YAF2: variants seen among roughly 807,000 people sequenced by gnomAD.
YAF2 encodes the protein YY1 associated factor 2.
A neutral mutation model predicts 20.1 loss-of-function variants in YAF2; 7 were observed. That is an observed-to-expected ratio of 0.35 (90% CI 0.20 to 0.65). The LOEUF (loss-of-function observed/expected upper bound fraction) is 0.65, where lower values mean the gene tolerates loss of function less well. Ranked by LOEUF, YAF2 falls within the 30% of genes least tolerant of loss-of-function variation. The pLI, the probability that YAF2 is intolerant of heterozygous loss-of-function variation, is 0.69. For missense variants in YAF2, 151 were observed against 219.2 expected (o/e 0.69, Z 1.96); for synonymous variants, 74 against 76.0 (o/e 0.97, Z 0.14).
intron 2 of YAF2, among the ~76,000 whole-genome samples, chr12:42,168,242 A>G (rs712112): frequency 0.7 from 104,178 of 148,548 alleles, 37,393 homozygotes; most frequent in African/African-American, 0.87. Flanking sequence ...GCAATGGCGC[A>G]CTCTCAGCTC....
chr12:42,160,960 CA>C, intron 3 of YAF2, 134 bp from the exon 4 acceptor site: 1 of 651,610 alleles, frequency 1.5e-6, no homozygotes, highest in Non-Finnish European at 2.6e-6. Context: ...TAACTAGCCA[CA>C]AAAACATCAT....
chr12:42,205,312 G>A (rs575174093), intron 2 of YAF2, among the ~76,000 whole-genome samples: 3 of 151,346 alleles, frequency 2.0e-5, no homozygotes, highest in South Asian at 2.1e-4. Flanking sequence ...GGGTATTTCC[G>A]GAATCAACTG....
intron 2 of YAF2, among the ~76,000 whole-genome samples, chr12:42,170,636 CCT>C (rs760099074): frequency 2.4e-4 from 36 of 152,090 alleles, no homozygotes; most frequent in Non-Finnish European, 4.1e-4. Context: ...ATGGTGAAAC[CCT>C]GTCTCTACTA....
intron 2 of YAF2, chr12:42,199,317 CATA>C: frequency 1.4e-6 from 1 of 713,316 alleles, no homozygotes; most frequent in Non-Finnish European, 2.0e-6. Context: ...ATCCATCAAA[CATA>C]ATAATATACT....
At chr12:42,213,807 T>C (rs1241035853) in intron 2 of YAF2, among the ~76,000 whole-genome samples, 2 of 152,158 alleles carry the variant, frequency 1.3e-5, no homozygotes, top group Non-Finnish European at 2.9e-5. Context: ...GAAACATACA[T>C]CAAGGTATTA....
intron 2 of YAF2, chr12:42,233,715 G>A: frequency 2.2e-6 from 2 of 895,912 alleles, no homozygotes; most frequent in Non-Finnish European, 2.7e-6. Flanking sequence ...ATCTCACTGT[G>A]TTGCCCAGGT....
intron 2 of YAF2, among the ~76,000 whole-genome samples, chr12:42,203,902 A>C (rs938546176): frequency 2.0e-5 from 3 of 152,178 alleles, no homozygotes; most frequent in African/African-American, 7.2e-5. Context: ...AGCATATCTA[A>C]AATTATAATT....
chr12:42,235,573 G>C, intron 2 of YAF2: 2 of 1,407,048 alleles, frequency 1.4e-6, no homozygotes, highest in Non-Finnish European at 1.8e-6. Flanking sequence ...TTCAGAGAGA[G>C]GAAGGAAGAA....
chr12:42,210,068 G>A (rs2067162819), intron 2 of YAF2, among the ~76,000 whole-genome samples: 1 of 152,164 alleles, frequency 6.6e-6, no homozygotes, highest in South Asian at 2.1e-4. Flanking sequence ...AAAGTACTGG[G>A]ATTACAAGTG....
Position 42,161,615 on chromosome 12 carries a change from G to A in YAF2, c.303C>T (p.Thr101=). Residue 101 remains threonine (T), a splice_region_variant and synonymous_variant, in exon 3 of 4, where the codon ACC becomes ACT. Transcript: ENST00000534854. The stretch of plus-strand genomic sequence containing the variant: ...CATAAAACACTCTTCACATTTACCT[G>A]GTTTTCTTATGGCTATTCTTTTTGC... ...TTSKKNSHKK[T]RPRLKNVDRS... 6.3e-7 allele frequency: 1 copy of A among 1,575,592 alleles called. No homozygotes were observed. The highest frequency in any genetic ancestry group is 2.3e-5 in the East Asian group (1 of 44,332).
At chr12:42,236,786 T>C (rs1416834998) in intron 2 of YAF2, among the ~76,000 whole-genome samples, 2 of 152,186 alleles carry the variant, frequency 1.3e-5, no homozygotes, top group Admixed American at 6.5e-5. Flanking sequence ...ATTCAAAGGG[T>C]ACCTTCGTAT....
intron 2 of YAF2, among the ~76,000 whole-genome samples, chr12:42,194,481 T>TA (rs1355713388): frequency 6.6e-6 from 1 of 152,000 alleles, no homozygotes; most frequent in Non-Finnish European, 1.5e-5. Context: ...CCGTCTCTAC[T>TA]AAAAAAACAA....
At position 42,202,496 on chromosome 12, in the gene YAF2, C is replaced by T. The variant is rs114001766; in HGVS notation, c.152+35103G>A. The stretch of plus-strand genomic sequence containing the variant: ...TTATTTCTACTTGTTTTTGAGCTTG[C>T]TATAAATGAAATCATACAATACGTA... On this transcript the variant is annotated intron_variant, in intron 2 of 3. Transcript: ENST00000534854. Among the ~76,000 whole-genome samples, 997 of 152,226 alleles carry T rather than the reference C, an allele frequency of 6.5e-3. 12 individuals are homozygous for T. The highest frequency in any genetic ancestry group is 0.023 in the African/African-American group (954 of 41,536).
chr12:42,237,350 C>T (rs1018568392), intron 2 of YAF2: 18 of 1,135,572 alleles, frequency 1.6e-5, no homozygotes, highest in Non-Finnish European at 1.9e-5. Context: ...ATCGCAGTAG[C>T]TAATGCCTCC....
At chr12:42,208,458 T>C (rs960722330) in intron 2 of YAF2, among the ~76,000 whole-genome samples, 1 of 152,010 alleles carries the variant, frequency 6.6e-6, no homozygotes, top group Admixed American at 6.5e-5. Context: ...TTAAATTAAA[T>C]TAAATTAAAA....
At chr12:42,163,279 TAAG>T (rs2136954560) in intron 2 of YAF2, among the ~76,000 whole-genome samples, 1 of 152,170 alleles carries the variant, frequency 6.6e-6, no homozygotes, top group South Asian at 2.1e-4. Flanking sequence ...GCTGGACAGA[TAAG>T]AAGGGATCCC....
intron 2 of YAF2, among the ~76,000 whole-genome samples, chr12:42,175,264 A>T (rs2066150564): frequency 6.6e-6 from 1 of 152,200 alleles, no homozygotes; most frequent in Non-Finnish European, 1.5e-5. Flanking sequence ...AAAAAAATAC[A>T]CACTGTATGA....
At position 42,216,146 on chromosome 12, in the gene YAF2, C is replaced by T. The variant is rs186658093; in HGVS notation, c.152+21453G>A. Among the ~76,000 whole-genome samples the T allele has an allele frequency of 3.9e-5, 6 of 152,124 alleles. No homozygotes were observed. The East Asian group carries it at 5.8e-4, about 15-fold the overall frequency. On this transcript the variant is annotated intron_variant, in intron 2 of 3. Transcript: ENST00000534854. ...ACTAGATAATTATATCCTTGGGAAACAAAGTTAGTTACTAACATAATTTTA... is the reference window on the plus strand; with the variant it reads ...ACTAGATAATTATATCCTTGGGAAATAAAGTTAGTTACTAACATAATTTTA...
At chr12:42,170,838 A>C (rs757820160) in intron 2 of YAF2, among the ~76,000 whole-genome samples, 1 of 152,150 alleles carries the variant, frequency 6.6e-6, no homozygotes, top group Non-Finnish European at 1.5e-5. Context: ...CACCTCTCCA[A>C]TAGTATCATT....
Sources: gnomAD v4.1 joint callset for allele counts (sites outside exome capture counted in the v4.1 genomes callset) on GRCh38, gnomAD v4.1.1 for gene constraint, MANE v1.5 for transcripts, NCBI Gene and HGNC (gene_info 2026-07-23, HGNC 2026-07-21) for gene names.